Variants in MMRN2 observed in about 807,000 individuals in gnomAD.
MMRN2 encodes multimerin 2, also known as multimerin-2.
MMRN2 carries 53 observed loss-of-function variants against 68.8 expected under a neutral mutation model. The observed-to-expected ratio is 0.77, with a 90% CI of 0.62 to 0.97. MMRN2 has a LOEUF of 0.97. Among genes scored for constraint, MMRN2 ranks in the 50% least tolerant of loss-of-function variants. The probability of loss-of-function intolerance (pLI) is 0.00; values close to 1 mark genes in which losing one functional copy is unlikely to be tolerated. For missense variants in MMRN2, 1,266 were observed against 1,259.5 expected, an observed-to-expected ratio of 1.01 and a Z score of -0.08; for synonymous variants, 564 against 551.6, an observed-to-expected ratio of 1.02 and a Z score of -0.32.
At chr10:86,939,654 C>A (rs902136473) in intron 6 of MMRN2, among the ~76,000 whole-genome samples, 2 of 151,256 alleles carry the variant, frequency 1.3e-5, no homozygotes, top group Admixed American at 6.6e-5. Flanking sequence ...GCAGGGAGTT[C>A]CGCCGCAGAG....
At chr10:86,953,177 A>G (rs1168406642) in intron 1 of MMRN2, among the ~76,000 whole-genome samples, 4 of 152,168 alleles carry the variant, frequency 2.6e-5, no homozygotes, top group South Asian at 2.1e-4. Context: ...CACGTTTTAC[A>G]ATCAATTTGT....
In MMRN2 at chr10:86,942,834, C is replaced by G; in HGVS notation, c.1950G>C (p.Glu650Asp). ...CCAGCTCGTCCCAGCCGAGCGCCTGCTCCTGCAGCCCGCTAGCGGCGTCCT... is the reference window on the plus strand; with the variant it reads ...CCAGCTCGTCCCAGCCGAGCGCCTGGTCCTGCAGCCCGCTAGCGGCGTCCT... ...ALQDAASGLQEQALGWDELAA... is the reference protein window; with the variant it reads ...ALQDAASGLQDQALGWDELAA... The change falls in exon 6 of 7, where the codon GAG becomes GAC. Residue 650 changes from glutamate to aspartate, a missense_variant. Physicochemically the swap from Glu to Asp is conservative, Grantham distance 45. Coordinates refer to ENST00000372027, the MANE Select transcript of MMRN2 (RefSeq NM_024756.3). 1.5e-6 allele frequency: 2 copies of G among 1,376,194 alleles called. No homozygotes were observed. Among genetic ancestry groups the G allele is most frequent in the Non-Finnish European group, 9.4e-7 (1 of 1,066,092 alleles). 85.2% of individuals were successfully genotyped at this position (1,376,194 alleles called of 1,614,324 possible).
intron 4 of MMRN2, among the ~76,000 whole-genome samples, chr10:86,944,781 G>C (rs1844041588): frequency 6.6e-6 from 1 of 152,164 alleles, no homozygotes; most frequent in Non-Finnish European, 1.5e-5. Context: ...CAGCCTTAAA[G>C]GGCCCTGCTG....
At chr10:86,952,897 G>C (rs1844164161) in intron 1 of MMRN2, among the ~76,000 whole-genome samples, 1 of 152,142 alleles carries the variant, frequency 6.6e-6, no homozygotes, top group Non-Finnish European at 1.5e-5. Context: ...GCATAGGACA[G>C]ACACTCCCAG....
intron 1 of MMRN2, among the ~76,000 whole-genome samples, chr10:86,951,092 G>GA (rs199745546): frequency 0.012 from 1,824 of 150,516 alleles, 21 homozygotes; most frequent in African/African-American, 0.028. Flanking sequence ...CCATCTCAAA[G>GA]AAAAAAAAAG....
At chr10:86,938,575 T>C (rs1462092817) in intron 6 of MMRN2, among the ~76,000 whole-genome samples, 1 of 152,242 alleles carries the variant, frequency 6.6e-6, no homozygotes, top group Non-Finnish European at 1.5e-5. Context: ...ACTTGGGTCC[T>C]GGCTGTGACA....
chr10:86,943,724 C>G lies in MMRN2; in HGVS notation c.1060G>C (p.Val354Leu), dbSNP rs1844019674. The G allele has an allele frequency of 1.2e-6, 2 of 1,608,824 alleles. No homozygotes were observed. The highest frequency in any genetic ancestry group is 1.7e-6 in the Non-Finnish European group (2 of 1,180,002). ...QEAPGTNGSL[V>L]LATPGAGARP... ...GCCCCAGCCCCAGGCGTTGCCAACACCAGACTGCCATTGGTCCCTGGGGCC... is the reference window on the plus strand; with the variant it reads ...GCCCCAGCCCCAGGCGTTGCCAACAGCAGACTGCCATTGGTCCCTGGGGCC... Residue 354 changes from valine to leucine, a missense_variant, in exon 6 of 7, where the codon GTG (valine) becomes CTG (leucine). Coordinates refer to ENST00000372027, the MANE Select transcript of MMRN2 (RefSeq NM_024756.3). The surrounding 1 kb of genome is among the most constrained non-coding windows in gnomAD (Gnocchi z 4.2).
chr10:86,944,545 A>G, intron 4 of MMRN2, 110 bp from the exon 5 acceptor site: 1 of 1,221,232 alleles, frequency 8.2e-7, no homozygotes, highest in Non-Finnish European at 1.2e-6. Flanking sequence ...TTAGCTGCTG[A>G]TGTCCTCTGA....
intron 4 of MMRN2, among the ~76,000 whole-genome samples, chr10:86,944,788 G>C (rs968120657): frequency 6.6e-6 from 1 of 152,228 alleles, no homozygotes; most frequent in Non-Finnish European, 1.5e-5. Flanking sequence ...AAAGGGCCCT[G>C]CTGCAAATGG....
In MMRN2 at chr10:86,943,490, G is replaced by A. The variant is rs200940554; in HGVS notation, c.1294C>T (p.Gln432Ter). The change falls in exon 6 of 7, where the codon CAG becomes TAG. Residue 432 changes from glutamine (Q) to a stop codon, truncating the protein, a stop_gained. Transcript: ENST00000372027. LOFTEE classifies it high-confidence loss of function. This position sits in a 1 kb window ranked among gnomAD's most constrained non-coding sequence, Gnocchi z 4.2. ...TGGTTCACCTGCAGCTCCTCCACCT[G>A]CCGCTCCACCTTGCTAATCTGATCG... ...TFDQISKVER[Q>*]VEELQVNHTA... is the part of the protein sequence containing the mutation. 1 of 1,614,068 alleles carries A rather than the reference G, an allele frequency of 6.2e-7. No individual in the cohort carries two copies. The highest frequency in any genetic ancestry group is 8.5e-7 in the Non-Finnish European group (1 of 1,180,034).
At chr10:86,957,045 C>T (rs987439358) in intron 1 of MMRN2, among the ~76,000 whole-genome samples, 1 of 152,214 alleles carries the variant, frequency 6.6e-6, no homozygotes, top group Admixed American at 6.5e-5. Context: ...TTTGGAAGAA[C>T]AGGAGGCATA....
In MMRN2 at chr10:86,940,017, ATT is replaced by A. The variant is rs34638842; in HGVS notation, c.2467+2298_2467+2299del. 2.8e-3 allele frequency among the ~76,000 whole-genome samples: 387 copies of A among 138,212 alleles called. 2 individuals are homozygous for A. Among genetic ancestry groups the A allele is most frequent in the African/African-American group, 9.5e-3 (349 of 36,794 alleles). The allele number at this position is 138,212 out of a possible 152,430, so 90.7% of individuals were successfully genotyped here. A position where few individuals can be genotyped will look rare whatever the true frequency, so the allele number is the denominator to read the frequency against. On this transcript the variant is annotated intron_variant, in intron 6 of 6. Transcript: ENST00000372027. ...AGGTGCCTGCCACCACACCGGGCTA[ATT>A]TTTTTTTTTTTTTTGACAGTTTCGC...
chr10:86,941,798 T>TAAAAAAAAAAA (rs55898424), intron 6 of MMRN2, among the ~76,000 whole-genome samples: 3 of 115,074 alleles, frequency 2.6e-5, no homozygotes, highest in Non-Finnish European at 5.2e-5. Context: ...AGACCCATCT[T>TAAAAAAAAAAA]AAAAAAAAAA....
intron 1 of MMRN2, among the ~76,000 whole-genome samples, chr10:86,952,511 G>T (rs1168799520): frequency 6.6e-6 from 1 of 152,180 alleles, no homozygotes; most frequent in Admixed American, 6.5e-5. Flanking sequence ...TTACAGCTGG[G>T]CCTCCAGGTG....
rs1357125803 is a variant in MMRN2, at chr10:86,936,630, T to C, written c.*113A>G. 1.5e-6 allele frequency: 2 copies of C among 1,355,430 alleles called. No individual in the cohort carries two copies. The highest frequency in any genetic ancestry group is 4.6e-5 in the East Asian group (2 of 43,296). The allele number at this position is 1,355,430 out of a possible 1,614,324, so 84.0% of individuals were successfully genotyped here. A position where few individuals can be genotyped will look rare whatever the true frequency, so the allele number is the denominator to read the frequency against. On this transcript the variant is annotated 3_prime_UTR_variant, in exon 7 of 7. Transcript: ENST00000372027. ...TACACCACACCATCTTTGCAGAAGG[T>C]TTCCAGGGAAGAGACAGACCAACTG...
chr10:86,944,758 T>C (rs959331836), intron 4 of MMRN2, among the ~76,000 whole-genome samples: 3 of 152,170 alleles, frequency 2.0e-5, no homozygotes, highest in Non-Finnish European at 4.4e-5. Flanking sequence ...ATTTACTTTC[T>C]CAATCTTGGG....
Position 86,945,381 on chromosome 10 carries a change from C to T in MMRN2, c.389G>A (p.Cys130Tyr), listed in dbSNP as rs1294266337. Residue 130 changes from cysteine to tyrosine, a missense_variant, in exon 3 of 7, where the codon TGC becomes TAC. Transcript: ENST00000372027. ...RCCPGYTGPNCEHHDSMAIPE... is the reference protein window; with the variant it reads ...RCCPGYTGPNYEHHDSMAIPE... The stretch of plus-strand genomic sequence containing the variant: ...GCAGGGAGCCCTACCGTGGTGCTCG[C>T]AGTTGGGGCCCGTGTAGCCAGGGCA... The T allele has an allele frequency of 6.3e-7, 1 of 1,590,928 alleles. No individual in the cohort carries two copies. The highest frequency in any genetic ancestry group is 2.3e-5 in the East Asian group (1 of 44,104).
Sources: gnomAD v4.1 joint callset for allele counts (sites outside exome capture counted in the v4.1 genomes callset) on GRCh38, gnomAD v4.1.1 for gene constraint, Gnocchi (gnomAD v3.1) non-coding constraint, MANE v1.5 for transcripts, NCBI Gene and HGNC (gene_info 2026-07-23, HGNC 2026-07-21) for gene names.